Variants in SH3BGRL observed in about 807,000 individuals in gnomAD.
SH3BGRL encodes the protein SH3 domain binding glutamate rich protein like, also known as adapter SH3BGRL.
A neutral mutation model predicts 9.8 loss-of-function variants in SH3BGRL; 7 were observed. That is an observed-to-expected ratio of 0.72 (90% CI 0.41 to 1.35). The LOEUF (loss-of-function observed/expected upper bound fraction) is 1.35. Ranked by LOEUF, SH3BGRL falls within the 40% of genes most tolerant of loss-of-function variation. The pLI, the probability that SH3BGRL is intolerant of heterozygous loss-of-function variation, is 0.01. For synonymous variants in SH3BGRL, 36 were observed against 29.1 expected, an observed-to-expected ratio of 1.24 and a Z score of -0.76; for missense variants, 73 against 84.4, an observed-to-expected ratio of 0.86 and a Z score of 0.53.
intron 1 of SH3BGRL, among the ~76,000 whole-genome samples, chrX:81,245,349 C>T (rs2075685062): frequency 9.0e-6 from 1 of 111,662 alleles, no homozygotes; most frequent in Non-Finnish European, 1.9e-5. Context: ...AGCAACAAGA[C>T]TTTTATGTGA....
chrX:81,290,439 A>G (rs761018215), intron 3 of SH3BGRL, among the ~76,000 whole-genome samples: 14 of 111,667 alleles, frequency 1.3e-4, no homozygotes, highest in African/African-American at 4.6e-4. Context: ...AAATGGAGGG[A>G]ACTGGAGATT....
chrX:81,214,485 C>T (rs1243465343), intron 1 of SH3BGRL, among the ~76,000 whole-genome samples: 1 of 111,689 alleles, frequency 9.0e-6, no homozygotes, highest in East Asian at 2.8e-4. Flanking sequence ...TGTCTGTTTT[C>T]CCAGCCTAGA....
intron 1 of SH3BGRL, among the ~76,000 whole-genome samples, chrX:81,274,073 A>C: frequency 1.8e-5 from 2 of 111,884 alleles, no homozygotes. Context: ...TTATTTGCTG[A>C]AAAGGGTATC....
At chrX:81,229,425 A>G (rs1404051956) in intron 1 of SH3BGRL, among the ~76,000 whole-genome samples, 2 of 111,957 alleles carry the variant, frequency 1.8e-5, no homozygotes, top group Non-Finnish European at 3.8e-5. Context: ...TGCTTTCTGT[A>G]TCCTGGGGTT....
intron 3 of SH3BGRL, among the ~76,000 whole-genome samples, chrX:81,285,830 T>G (rs2075832438): frequency 8.9e-6 from 1 of 111,924 alleles, no homozygotes; most frequent in African/African-American, 3.2e-5. Flanking sequence ...AAAGTAAGGT[T>G]AATATTCTAA....
chrX:81,257,823 G>T (rs1205270474), intron 1 of SH3BGRL, among the ~76,000 whole-genome samples: 1 of 110,148 alleles, frequency 9.1e-6, no homozygotes, highest in Non-Finnish European at 1.9e-5. Flanking sequence ...CATTAGAGTG[G>T]GTCACAGGTT....
rs760409000 is a variant in SH3BGRL, at chrX:81,252,114, T to A, written c.46-24870T>A. On this transcript the variant is annotated intron_variant, in intron 1 of 3. Coordinates refer to ENST00000373212, the MANE Select transcript of SH3BGRL (RefSeq NM_003022.3). Reference sequence around the variant, plus strand: ...AAGAATCATTAACAAGTATTTATCATGTAGATATTTTAAAATATCCATAAA... The same window carrying A: ...AAGAATCATTAACAAGTATTTATCAAGTAGATATTTTAAAATATCCATAAA... Among the ~76,000 whole-genome samples the A allele has an allele frequency of 2.7e-5, 3 of 112,226 alleles. 1 individual carries two copies. The South Asian group carries it at 1.1e-3, about 41-fold the overall frequency.
At chrX:81,204,753 C>CG (rs1320965141) in intron 1 of SH3BGRL, among the ~76,000 whole-genome samples, 5 of 111,705 alleles carry the variant, frequency 4.5e-5, no homozygotes, top group Middle Eastern at 4.7e-3. Context: ...ACCCAAGAGG[C>CG]GGAGCTTGCG....
At chrX:81,243,321 G>T (rs2075677312) in intron 1 of SH3BGRL, among the ~76,000 whole-genome samples, 2 of 111,924 alleles carry the variant, frequency 1.8e-5, no homozygotes, top group African/African-American at 6.5e-5. Context: ...TTTATTTGTG[G>T]AATCTAAAAT....
At chrX:81,291,972 G>A (rs1446340548) in intron 3 of SH3BGRL, among the ~76,000 whole-genome samples, 2 of 112,243 alleles carry the variant, frequency 1.8e-5, no homozygotes, top group African/African-American at 6.5e-5. Flanking sequence ...GCAGGGTACA[G>A]CCTTGGCAAC....
chrX:81,234,470 A>G (rs2075641781), intron 1 of SH3BGRL, among the ~76,000 whole-genome samples: 1 of 112,134 alleles, frequency 8.9e-6, no homozygotes, highest in Admixed American at 9.4e-5. Flanking sequence ...AAATATGGCC[A>G]GGAGATGTGA....
intron 3 of SH3BGRL, among the ~76,000 whole-genome samples, chrX:81,292,497 A>G (rs2075861349): frequency 8.9e-6 from 1 of 111,748 alleles, no homozygotes; most frequent in Non-Finnish European, 1.9e-5. Context: ...TGGGCTTTTG[A>G]TGGCAGGGGC....
intron 3 of SH3BGRL, among the ~76,000 whole-genome samples, chrX:81,280,929 G>A (rs914649333): frequency 2.7e-5 from 3 of 110,891 alleles, no homozygotes; most frequent in South Asian, 3.7e-4. Context: ...AATGATACGA[G>A]AAGTAAAGGG....
chrX:81,294,254 G>C (rs1350395817), intron 3 of SH3BGRL, among the ~76,000 whole-genome samples: 1 of 111,089 alleles, frequency 9.0e-6, no homozygotes, highest in South Asian at 3.8e-4. Flanking sequence ...AGGTCTTCAC[G>C]GCAGCCCCTT....
chrX:81,257,514 T>C (rs1464878079), intron 1 of SH3BGRL, among the ~76,000 whole-genome samples: 1 of 112,011 alleles, frequency 8.9e-6, no homozygotes, highest in Non-Finnish European at 1.9e-5. Context: ...GACTTCTCAA[T>C]CTGATGGCTC....
chrX:81,271,080 G>A (rs1431336810), intron 1 of SH3BGRL, among the ~76,000 whole-genome samples: 1 of 112,163 alleles, frequency 8.9e-6, no homozygotes, highest in Non-Finnish European at 1.9e-5. Flanking sequence ...TCTCCTGGTC[G>A]GCTGGTTGCG....
At chrX:81,278,095 G>T (rs564795232) in intron 2 of SH3BGRL, among the ~76,000 whole-genome samples, 1 of 111,368 alleles carries the variant, frequency 9.0e-6, no homozygotes, top group African/African-American at 3.3e-5. Flanking sequence ...TCCAAGTAGC[G>T]GGGATTACAG....
chrX:81,241,773 G>T (rs1038710940), intron 1 of SH3BGRL, among the ~76,000 whole-genome samples: 4 of 112,426 alleles, frequency 3.6e-5, no homozygotes, highest in African/African-American at 1.3e-4. Context: ...CCTGGCATCT[G>T]CAACTTCCAA....
Position 81,277,031 on chromosome X carries a change from A to C in SH3BGRL, c.93A>C (p.Lys31Asn), listed in dbSNP as rs370458501. 5 of 1,209,359 alleles carry C rather than the reference A, an allele frequency of 4.1e-6. No homozygotes were observed. Among genetic ancestry groups the C allele is most frequent in the Non-Finnish European group, 5.6e-6 (5 of 894,157 alleles). ...TGCTTGGTTTCCTAGAAGCCAACAAAATAGGATTTGAAGAAAAAGATATTG... is the reference window on the plus strand; with the variant it reads ...TGCTTGGTTTCCTAGAAGCCAACAACATAGGATTTGAAGAAAAAGATATTG... The part of the protein sequence containing the change: ...QDVLGFLEAN[K>N]IGFEEKDIAA... Residue 31 changes from lysine to asparagine, a missense_variant, in exon 2 of 4, where the codon AAA becomes AAC. By Grantham distance (94) the Lys-to-Asn change is moderately conservative. Transcript: ENST00000373212.
Sources: allele counts gnomAD v4.1 joint callset (sites outside exome capture counted in the v4.1 genomes callset), GRCh38; gene constraint gnomAD v4.1.1; transcripts MANE v1.5; gene names NCBI Gene and HGNC (gene_info 2026-07-23, HGNC 2026-07-21).